BICC1: variants seen among roughly 807,000 people sequenced by gnomAD.
The protein encoded by BICC1 is protein bicaudal C homolog 1.
In BICC1, 43 loss-of-function variants were observed where a neutral mutation model predicts 111.0. The observed-to-expected ratio is 0.39, with a 90% CI of 0.30 to 0.50. The LOEUF is 0.50. Among genes scored for constraint, BICC1 ranks in the 20% least tolerant of loss-of-function variants. The pLI is 0.88. For missense variants in BICC1, 1,091 were observed against 1,203.2 expected, an observed-to-expected ratio of 0.91 and a Z score of 1.38; for synonymous variants, 467 against 434.4, an observed-to-expected ratio of 1.07 and a Z score of -0.93.
intron 2 of BICC1, among the ~76,000 whole-genome samples, chr10:58,699,969 G>A (rs117790491): frequency 0.012 from 1,811 of 152,296 alleles, 14 homozygotes; most frequent in Non-Finnish European, 0.019. Flanking sequence ...TGGGATTATA[G>A]GCATGAGCTA....
At chr10:58,763,006 G>C (rs1002301662) in intron 3 of BICC1, among the ~76,000 whole-genome samples, 5 of 152,100 alleles carry the variant, frequency 3.3e-5, no homozygotes, top group South Asian at 2.1e-4. Flanking sequence ...TATTATGTTT[G>C]TTGTTTTAAG....
intron 3 of BICC1, among the ~76,000 whole-genome samples, chr10:58,747,118 G>A (rs1841857251): frequency 6.6e-6 from 1 of 152,130 alleles, no homozygotes; most frequent in South Asian, 2.1e-4. Context: ...TACAAAGGAA[G>A]TATTCTTTTA....
intron 3 of BICC1, among the ~76,000 whole-genome samples, chr10:58,784,322 C>T (rs1842953514): frequency 6.6e-6 from 1 of 152,124 alleles, no homozygotes; most frequent in African/African-American, 2.4e-5. Context: ...TGAATGAATG[C>T]TTTCCTGTAG....
At chr10:58,679,544 A>G (rs1218478851) in intron 2 of BICC1, among the ~76,000 whole-genome samples, 1 of 152,224 alleles carries the variant, frequency 6.6e-6, no homozygotes, top group Non-Finnish European at 1.5e-5. Flanking sequence ...GCAGTAATTA[A>G]TAGCTTACCA....
chr10:58,819,214 A>C (rs149495503), intron 19 of BICC1, among the ~76,000 whole-genome samples: 1 of 152,186 alleles, frequency 6.6e-6, no homozygotes, highest in South Asian at 2.1e-4. Context: ...AATATTTACC[A>C]TCTGGTCCTT....
intron 10 of BICC1, among the ~76,000 whole-genome samples, chr10:58,797,710 C>A (rs1843402070): frequency 6.6e-6 from 1 of 152,034 alleles, no homozygotes; most frequent in Non-Finnish European, 1.5e-5. Flanking sequence ...ATATGTATTC[C>A]TGGAAACTTG....
intron 20 of BICC1, among the ~76,000 whole-genome samples, chr10:58,825,642 A>G (rs1443767993): frequency 6.6e-6 from 1 of 152,244 alleles, no homozygotes; most frequent in Admixed American, 6.5e-5. Context: ...TAATAATTTC[A>G]TAGCCACCTT....
At chr10:58,615,065 A>C (rs1845555248) in intron 1 of BICC1, among the ~76,000 whole-genome samples, 1 of 151,942 alleles carries the variant, frequency 6.6e-6, no homozygotes, top group South Asian at 2.1e-4. Context: ...ACAGCCAAGA[A>C]TTGGCTAAGT....
At chr10:58,519,241 G>A (rs929302109) in intron 1 of BICC1, among the ~76,000 whole-genome samples, 17 of 152,042 alleles carry the variant, frequency 1.1e-4, no homozygotes, top group African/African-American at 2.4e-5. Context: ...GGAAAAAGGC[G>A]GAAGAAGAAA....
In BICC1 at chr10:58,692,243, G is replaced by T. The variant is rs138908745; in HGVS notation, c.238-9831G>T. 2.7e-3 allele frequency among the ~76,000 whole-genome samples: 405 copies of T among 152,210 alleles called. 3 individuals carry two copies. Among genetic ancestry groups the T allele is most frequent in the African/African-American group, 9.2e-3 (384 of 41,538 alleles). On this transcript the variant is annotated intron_variant, in intron 2 of 20. Transcript: ENST00000373886. ...TTTGGAGGAGTTTTCTTAGTGGAAGGCACATTTGAACTAGGTTTTCATTGA... is the reference window on the plus strand; with the variant it reads ...TTTGGAGGAGTTTTCTTAGTGGAAGTCACATTTGAACTAGGTTTTCATTGA...
At chr10:58,623,640 A>T (rs1306603932) in intron 2 of BICC1, among the ~76,000 whole-genome samples, 1 of 152,212 alleles carries the variant, frequency 6.6e-6, no homozygotes, top group Non-Finnish European at 1.5e-5. Flanking sequence ...CCATGCTGTC[A>T]TTCAGTGACC....
intron 3 of BICC1, among the ~76,000 whole-genome samples, chr10:58,718,407 A>G (rs1041101162): frequency 1.3e-5 from 2 of 152,204 alleles, no homozygotes; most frequent in Non-Finnish European, 2.9e-5. Context: ...TACTGTCAGC[A>G]TTGGGGGTAG....
At chr10:58,775,495 CT>C (rs1842727506) in intron 3 of BICC1, among the ~76,000 whole-genome samples, 1 of 151,634 alleles carries the variant, frequency 6.6e-6, no homozygotes, top group Non-Finnish European at 1.5e-5. Context: ...TCTTAGGTAA[CT>C]TTTAAGATAT....
intron 1 of BICC1, among the ~76,000 whole-genome samples, chr10:58,575,008 C>G (rs1381492953): frequency 6.6e-6 from 1 of 151,786 alleles, no homozygotes; most frequent in Admixed American, 6.6e-5. Context: ...TTTGACCCCT[C>G]AAACCTTTTT....
chr10:58,740,494 G>A lies in BICC1; in HGVS notation c.307+38351G>A, dbSNP rs1841624952. On this transcript the variant is annotated intron_variant, in intron 3 of 20. Coordinates refer to ENST00000373886, the MANE Select transcript of BICC1 (RefSeq NM_001080512.3). ...TGATTTATAAAGTTTATTTGATTGT[G>A]TTGGGGCTTTTGTTTCCATATTTCC... is the stretch of plus-strand genomic sequence containing the variant. Among the ~76,000 whole-genome samples the A allele has an allele frequency of 2.0e-5, 3 of 152,210 alleles. No individual in the cohort carries two copies. In the South Asian group the frequency reaches 6.2e-4, roughly 32 times the overall value.
intron 1 of BICC1, among the ~76,000 whole-genome samples, chr10:58,553,434 A>G (rs1843353442): frequency 6.6e-6 from 1 of 152,172 alleles, no homozygotes. Context: ...AGAAGCTCCA[A>G]AAGTCAAGGA....
At chr10:58,547,495 T>C (rs1843172023) in intron 1 of BICC1, among the ~76,000 whole-genome samples, 1 of 152,150 alleles carries the variant, frequency 6.6e-6, no homozygotes, top group Admixed American at 6.6e-5. Context: ...CTTGATCACC[T>C]GGCTGAGGTG....
At position 58,563,295 on chromosome 10, in the gene BICC1, G is replaced by A. The variant is rs80242177; in HGVS notation, c.190+49962G>A. Among the ~76,000 whole-genome samples, 201 of 152,266 alleles carry A rather than the reference G, an allele frequency of 1.3e-3. 5 individuals are homozygous for A. In the East Asian group the frequency reaches 0.035, roughly 26 times the overall value. On this transcript the variant is annotated intron_variant, in intron 1 of 20. Coordinates refer to ENST00000373886, the MANE Select transcript of BICC1 (RefSeq NM_001080512.3). ...GGGAGACCCAGCATGAGTTTTCTCT[G>A]GGGAGCAGTGCAGCCATGTTAACTT...
chr10:58,807,932 G>A (rs1418103940), intron 17 of BICC1, among the ~76,000 whole-genome samples: 1 of 152,138 alleles, frequency 6.6e-6, no homozygotes, highest in Admixed American at 6.5e-5. Context: ...ACCAGAGAGA[G>A]CACTGTAGGC....
Sources: gnomAD v4.1 joint callset for allele counts (sites outside exome capture counted in the v4.1 genomes callset) on GRCh38, gnomAD v4.1.1 for gene constraint, MANE v1.5 for transcripts, NCBI Gene and HGNC (gene_info 2026-07-23, HGNC 2026-07-21) for gene names.